The following CYFIP2 variants were observed in gnomAD, a reference collection of about 807,000 sequenced individuals.
The protein encoded by CYFIP2 is cytoplasmic FMR1 interacting protein 2, also known as cytoplasmic FMR1-interacting protein 2.
CYFIP2 carries 29 observed loss-of-function variants against 158.7 expected under a neutral mutation model. That is an observed-to-expected ratio of 0.18 (90% CI 0.14 to 0.25). The LOEUF is 0.25. CYFIP2 is among the 10% of genes least tolerant of loss of function. The probability of loss-of-function intolerance (pLI) is 1.00; values close to 1 mark genes in which losing one functional copy is unlikely to be tolerated. For synonymous variants in CYFIP2, 585 were observed against 617.6 expected, an observed-to-expected ratio of 0.95 and a Z score of 0.78; for missense variants, 852 against 1,639.5, an observed-to-expected ratio of 0.52 and a Z score of 8.29.
intron 23 of CYFIP2, among the ~76,000 whole-genome samples, chr5:157,357,155 C>G (rs960281962): frequency 6.6e-6 from 1 of 152,166 alleles, no homozygotes; most frequent in African/African-American, 2.4e-5. Context: ...ATTACTGAAC[C>G]TGGTGAATGA....
chr5:157,358,650 A>G (rs533241270), intron 23 of CYFIP2, among the ~76,000 whole-genome samples: 3 of 152,222 alleles, frequency 2.0e-5, no homozygotes, highest in Non-Finnish European at 4.4e-5. Context: ...AATGTCTCTT[A>G]AGAAAGGATA....
intron 1 of CYFIP2, among the ~76,000 whole-genome samples, chr5:157,274,407 A>G (rs1756377322): frequency 6.6e-6 from 1 of 152,222 alleles, no homozygotes; most frequent in Admixed American, 6.5e-5. Flanking sequence ...TGTTGTATCA[A>G]TATCAGTACT....
intron 17 of CYFIP2, chr5:157,325,899 C>G (rs1760985598): frequency 3.7e-6 from 2 of 538,366 alleles, no homozygotes; most frequent in African/African-American, 3.8e-5. Context: ...ATCTCAGGAG[C>G]AGGTAGCTTG....
chr5:157,324,531 C>G (rs945122393), intron 16 of CYFIP2, among the ~76,000 whole-genome samples: 4 of 152,180 alleles, frequency 2.6e-5, no homozygotes, highest in African/African-American at 9.7e-5. Flanking sequence ...AGTAGTATCT[C>G]AGGAACATGA....
chr5:157,382,748 C>A, intron 27 of CYFIP2, 86 bp downstream of exon 27: 2 of 1,342,076 alleles, frequency 1.5e-6, no homozygotes, highest in East Asian at 2.4e-5. Flanking sequence ...CAGATCTAGT[C>A]AGCAAGGGGG....
intron 1 of CYFIP2, among the ~76,000 whole-genome samples, chr5:157,272,634 G>A (rs2113808021): frequency 6.6e-6 from 1 of 152,154 alleles, no homozygotes; most frequent in Non-Finnish European, 1.5e-5. Flanking sequence ...ACTTCCTGCT[G>A]TGATGGATGG....
intron 2 of CYFIP2, 75 bp from the exon 3 acceptor site, chr5:157,286,944 T>G: frequency 8.9e-7 from 1 of 1,122,908 alleles, no homozygotes; most frequent in Non-Finnish European, 1.3e-6. Context: ...TTGGCAGCAG[T>G]TTGCCCTCTG....
intron 26 of CYFIP2, chr5:157,365,000 A>C (rs548672262): frequency 6.6e-6 from 1 of 152,330 alleles, no homozygotes; most frequent in South Asian, 2.1e-4. Flanking sequence ...TTGAGCTTTA[A>C]AAAGTTTTAG....
At chr5:157,292,715 C>A (rs1757925836) in intron 3 of CYFIP2, among the ~76,000 whole-genome samples, 1 of 152,126 alleles carries the variant, frequency 6.6e-6, no homozygotes, top group Non-Finnish European at 1.5e-5. Flanking sequence ...TGAATCTACA[C>A]ATTTTTCTGT....
Position 157,304,361 on chromosome 5 carries a change from C to G in CYFIP2, c.790C>G (p.Leu264Val). ...YLTPSEKHMLLKVMGFGLYLM... is the reference protein window; with the variant it reads ...YLTPSEKHMLVKVMGFGLYLM... ...GACTCCCAGTGAGAAACATATGCTC[C>G]TCAAGGTAAAACTCCCCTGAGGCCG... The change falls in exon 8 of 31, where the codon CTC becomes GTC. Residue 264 changes from leucine (L) to valine (V), a missense_variant. Leu to Val is a conservative substitution (Grantham distance 32). Coordinates refer to ENST00000620254, the MANE Select transcript of CYFIP2 (RefSeq NM_001037333.3). 6.2e-7 allele frequency: 1 copy of G among 1,613,286 alleles called. No homozygotes were observed. Among genetic ancestry groups the G allele is most frequent in the Non-Finnish European group, 8.5e-7 (1 of 1,179,386 alleles).
At position 157,389,214 on chromosome 5, in the gene CYFIP2, A is replaced by C; in HGVS notation, c.3233A>C (p.Asp1078Ala). The C allele has an allele frequency of 6.2e-7, 1 of 1,612,600 alleles. No individual in the cohort carries two copies. The highest frequency in any genetic ancestry group is 8.5e-7 in the Non-Finnish European group (1 of 1,179,020). Residue 1078 changes from aspartate (D) to alanine (A), a missense_variant, in exon 29 of 31, where the codon GAC (aspartate) becomes GCC (alanine). Coordinates refer to ENST00000620254, the MANE Select transcript of CYFIP2 (RefSeq NM_001037333.3). ...PQQIAIAREG[D>A]LLTKERLCCG... ...CAAATCGCCATTGCTCGCGAGGGTGACCTCCTGACCAAGGAGCGGCTGTGC... is the reference window on the plus strand; with the variant it reads ...CAAATCGCCATTGCTCGCGAGGGTGCCCTCCTGACCAAGGAGCGGCTGTGC...
At chr5:157,379,553 C>G (rs1765829555) in intron 26 of CYFIP2, among the ~76,000 whole-genome samples, 2 of 150,992 alleles carry the variant, frequency 1.3e-5, no homozygotes, top group Admixed American at 1.3e-4. Flanking sequence ...TACCTGTAGT[C>G]CCAGCTATTC....
intron 1 of CYFIP2, among the ~76,000 whole-genome samples, chr5:157,274,873 C>A (rs772980588): frequency 3.3e-5 from 5 of 152,040 alleles, no homozygotes; most frequent in African/African-American, 4.8e-5. Flanking sequence ...CTGTTCCTTG[C>A]CTATTTTTAA....
intron 26 of CYFIP2, among the ~76,000 whole-genome samples, chr5:157,381,476 C>T (rs375188534): frequency 7.1e-6 from 1 of 141,762 alleles, no homozygotes; most frequent in African/African-American, 2.6e-5. Flanking sequence ...TGCAGTGAGC[C>T]GAGATCATAC....
At chr5:157,297,806 A>G (rs1260093771) in intron 5 of CYFIP2, among the ~76,000 whole-genome samples, 2 of 152,254 alleles carry the variant, frequency 1.3e-5, no homozygotes, top group Admixed American at 6.5e-5. Context: ...TAAAATTTTA[A>G]AATCAAAGCA....
intron 5 of CYFIP2, among the ~76,000 whole-genome samples, chr5:157,299,439 C>T (rs1758553682): frequency 6.6e-6 from 1 of 152,222 alleles, no homozygotes; most frequent in Admixed American, 6.5e-5. Flanking sequence ...CCTCTTTCAG[C>T]TTCTTTTCCT....
intron 7 of CYFIP2, among the ~76,000 whole-genome samples, chr5:157,303,566 A>G (rs73302190): frequency 0.014 from 2,144 of 152,248 alleles, 70 homozygotes; most frequent in African/African-American, 0.049. Flanking sequence ...TCACATTCAA[A>G]TCCATATCAC....
intron 30 of CYFIP2, among the ~76,000 whole-genome samples, 160 bp from the exon 31 acceptor site, chr5:157,392,673 C>T (rs1310894194): frequency 6.6e-6 from 1 of 152,110 alleles, no homozygotes; most frequent in Non-Finnish European, 1.5e-5. Context: ...GTCCAGTTAA[C>T]ACTTGATTGC....
chr5:157,273,582 G>C (rs1426174220), intron 1 of CYFIP2, among the ~76,000 whole-genome samples: 6 of 152,156 alleles, frequency 3.9e-5, no homozygotes, highest in African/African-American at 1.2e-4. Context: ...GCTGCTCTGT[G>C]GGGTGGTATG....
Sources: allele counts gnomAD v4.1 joint callset (sites outside exome capture counted in the v4.1 genomes callset), GRCh38; gene constraint gnomAD v4.1.1; transcripts MANE v1.5; gene names NCBI Gene and HGNC (gene_info 2026-07-23, HGNC 2026-07-21).